ADAM32: variants seen among roughly 807,000 people sequenced by gnomAD.
ADAM32 encodes disintegrin and metalloproteinase domain-containing protein 32.
In ADAM32, 89 loss-of-function variants were observed where a neutral mutation model predicts 114.9. The ratio of observed to expected loss-of-function variants is 0.77; its 90% CI spans 0.65 to 0.92. The LOEUF is 0.92. ADAM32 is among the 40% of genes least tolerant of loss of function. The pLI is 0.00. For synonymous variants in ADAM32, 285 were observed against 307.5 expected (o/e 0.93, Z 0.77); for missense variants, 870 against 932.8 (o/e 0.93, Z 0.88).
At chr8:39,111,003 C>CT (rs934111198) in intron 1 of ADAM32, among the ~76,000 whole-genome samples, 9 of 152,166 alleles carry the variant, frequency 5.9e-5, no homozygotes, top group African/African-American at 2.2e-4. Context: ...AAAATATGAC[C>CT]TTTTTTGTCT....
intron 1 of ADAM32, among the ~76,000 whole-genome samples, chr8:39,108,555 T>G (rs1840022904): frequency 6.6e-6 from 1 of 152,120 alleles, no homozygotes; most frequent in East Asian, 1.9e-4. Flanking sequence ...TGTGGTTATC[T>G]CCAAACAATG....
At chr8:39,193,175 T>A (rs536420656) in intron 11 of ADAM32, among the ~76,000 whole-genome samples, 1 of 152,224 alleles carries the variant, frequency 6.6e-6, no homozygotes, top group Non-Finnish European at 1.5e-5. Flanking sequence ...ATCCCATATT[T>A]CCTGGAGGTT....
chr8:39,236,429 A>G (rs895098566), intron 16 of ADAM32, among the ~76,000 whole-genome samples: 15 of 152,166 alleles, frequency 9.9e-5, no homozygotes, highest in Admixed American at 7.2e-4. Flanking sequence ...TTAATAGCCA[A>G]TCTTATTTTA....
At chr8:39,275,777 C>A in intron 21 of ADAM32, 51 bp from the exon 22 acceptor site, 1 of 1,505,070 alleles carries the variant, frequency 6.6e-7, no homozygotes, top group South Asian at 1.3e-5. Context: ...TATGGAGGCA[C>A]ATTTGTGTTA....
At chr8:39,233,797 A>G (rs77618705) in intron 15 of ADAM32, 102 bp from the exon 16 acceptor site, 182,942 of 793,330 alleles carry the variant, frequency 0.23, 22,049 homozygotes, top group East Asian at 0.28. Context: ...GTACATTGCC[A>G]TAAGTGGAAA....
At chr8:39,142,571 T>G (rs1377626356) in intron 3 of ADAM32, among the ~76,000 whole-genome samples, 1 of 152,208 alleles carries the variant, frequency 6.6e-6, no homozygotes, top group Non-Finnish European at 1.5e-5. Context: ...CCGAGAGATC[T>G]GCTGTTAGTC....
chr8:39,200,562 A>G (rs1435593506), intron 11 of ADAM32, among the ~76,000 whole-genome samples: 1 of 152,124 alleles, frequency 6.6e-6, no homozygotes, highest in Non-Finnish European at 1.5e-5. Flanking sequence ...ATTTTCTCCC[A>G]TTCTGTAGGT....
At position 39,191,940 on chromosome 8, in the gene ADAM32, A is replaced by G. The variant is rs118001091; in HGVS notation, c.1052+4895A>G. Reference sequence around the variant, plus strand: ...TTGATTTATGTATATGATGTAAAGAAGGAGTGTCAGCAGGAATGGTACCCG... The same window carrying G: ...TTGATTTATGTATATGATGTAAAGAGGGAGTGTCAGCAGGAATGGTACCCG... On this transcript the variant is annotated intron_variant, in intron 11 of 24. Coordinates refer to ENST00000379907, the MANE Select transcript of ADAM32 (RefSeq NM_145004.7). 4.3e-3 allele frequency among the ~76,000 whole-genome samples: 653 copies of G among 152,318 alleles called. 3 individuals are homozygous for G. The highest frequency in any genetic ancestry group is 6.8e-3 in the Middle Eastern group (2 of 294).
intron 10 of ADAM32, among the ~76,000 whole-genome samples, chr8:39,186,672 A>G (rs1454178554): frequency 6.6e-6 from 1 of 152,218 alleles, no homozygotes; most frequent in Non-Finnish European, 1.5e-5. Flanking sequence ...TAACTACCTA[A>G]GAATTATGTT....
At chr8:39,147,527 A>T (rs998941194) in intron 4 of ADAM32, among the ~76,000 whole-genome samples, 3 of 152,136 alleles carry the variant, frequency 2.0e-5, no homozygotes, top group Non-Finnish European at 4.4e-5. Context: ...CAAATCACAG[A>T]TCAAAAACTC....
chr8:39,110,488 AAG>A (rs1840113239), intron 1 of ADAM32, among the ~76,000 whole-genome samples: 1 of 152,366 alleles, frequency 6.6e-6, no homozygotes, highest in East Asian at 1.9e-4. Context: ...GTTATGAATA[AAG>A]CTGCTATAAA....
intron 16 of ADAM32, among the ~76,000 whole-genome samples, chr8:39,243,577 C>T (rs1405025045): frequency 6.6e-6 from 1 of 152,126 alleles, no homozygotes; most frequent in Admixed American, 6.5e-5. Flanking sequence ...CAAAATCCAA[C>T]ATCGCTTTAT....
intron 16 of ADAM32, among the ~76,000 whole-genome samples, chr8:39,237,796 T>C (rs561795931): frequency 1.1e-4 from 16 of 152,204 alleles, no homozygotes; most frequent in Non-Finnish European, 1.9e-4. Flanking sequence ...TTTCTCTACC[T>C]GCCCTGGTAG....
At chr8:39,167,011 C>T (rs3886041) in intron 9 of ADAM32, 36,491 of 151,966 alleles carry the variant, frequency 0.24, 4,876 homozygotes, top group Non-Finnish European at 0.29. Flanking sequence ...GCTGACTGTT[C>T]CTTTTGCTGT....
intron 2 of ADAM32, among the ~76,000 whole-genome samples, chr8:39,122,132 G>A (rs974961545): frequency 6.6e-6 from 1 of 152,158 alleles, no homozygotes; most frequent in African/African-American, 2.4e-5. Flanking sequence ...AACCATACCT[G>A]ATTTAAGTGA....
chr8:39,157,648 C>A, intron 6 of ADAM32: 1 of 650,314 alleles, frequency 1.5e-6, no homozygotes. Flanking sequence ...TGTCAATGAA[C>A]TTAAGGTCAG....
chr8:39,251,874 A>T (rs1422557949), intron 17 of ADAM32, among the ~76,000 whole-genome samples: 2 of 151,824 alleles, frequency 1.3e-5, no homozygotes, highest in African/African-American at 4.8e-5. Context: ...TCTTGAATAC[A>T]TTTTGATTTT....
chr8:39,189,473 GA>G (rs1806459354), intron 11 of ADAM32, among the ~76,000 whole-genome samples: 1 of 151,652 alleles, frequency 6.6e-6, no homozygotes, highest in South Asian at 2.1e-4. Flanking sequence ...TATTATTATT[GA>G]AAAAATTCTA....
At chr8:39,239,476 A>G (rs1810410648) in intron 16 of ADAM32, among the ~76,000 whole-genome samples, 1 of 152,236 alleles carries the variant, frequency 6.6e-6, no homozygotes. Flanking sequence ...TCTTTAAAGC[A>G]TAAATTTCAC....
Sources: allele counts gnomAD v4.1 joint callset (sites outside exome capture counted in the v4.1 genomes callset), GRCh38; gene constraint gnomAD v4.1.1; transcripts MANE v1.5; gene names NCBI Gene and HGNC (gene_info 2026-07-23, HGNC 2026-07-21).